DCC: variants seen among roughly 807,000 people sequenced by gnomAD.
The protein encoded by DCC is DCC netrin 1 receptor.
DCC carries 58 observed loss-of-function variants against 172.5 expected under a neutral mutation model. That is an observed-to-expected ratio of 0.34 (90% CI 0.27 to 0.42). The LOEUF (loss-of-function observed/expected upper bound fraction) is 0.42. Ranked by LOEUF, DCC falls within the 10% of genes least tolerant of loss-of-function variation. The probability of loss-of-function intolerance (pLI) is 1.00; values close to 1 mark genes in which losing one functional copy is unlikely to be tolerated. For missense variants in DCC, 1,740 were observed against 1,791.0 expected, an observed-to-expected ratio of 0.97 and a Z score of 0.51; for synonymous variants, 709 against 644.5, an observed-to-expected ratio of 1.10 and a Z score of -1.52.
chr18:52,341,542 C>T (rs1392183888), intron 1 of DCC, among the ~76,000 whole-genome samples: 1 of 152,106 alleles, frequency 6.6e-6, no homozygotes, highest in Non-Finnish European at 1.5e-5. Context: ...CATATAGCTC[C>T]AGGACACCTC....
At chr18:52,445,912 TTTTGTTTG>T (rs1008866663) in intron 1 of DCC, among the ~76,000 whole-genome samples, 16 of 152,212 alleles carry the variant, frequency 1.1e-4, no homozygotes, top group Non-Finnish European at 1.8e-4. Context: ...CTTACCAGTT[TTTTGTTTG>T]TTTGTTTGTT....
chr18:53,184,688 G>T (rs189378712), intron 9 of DCC, among the ~76,000 whole-genome samples: 41 of 152,212 alleles, frequency 2.7e-4, no homozygotes, highest in African/African-American at 9.1e-4. Context: ...GTCACTAGGC[G>T]ATAGAAATTT....
At chr18:53,527,411 A>AT (rs945848313) in intron 28 of DCC, among the ~76,000 whole-genome samples, 76 of 152,094 alleles carry the variant, frequency 5.0e-4, no homozygotes, top group African/African-American at 1.8e-3. Context: ...AATTAAAAAA[A>AT]TATAGTGACA....
At chr18:53,274,674 C>G (rs2056786420) in intron 12 of DCC, among the ~76,000 whole-genome samples, 1 of 152,050 alleles carries the variant, frequency 6.6e-6, no homozygotes, top group African/African-American at 2.4e-5. Flanking sequence ...CAGTTGAACA[C>G]CTATTCGTAT....
In DCC at chr18:53,096,751, G is replaced by A. The variant is rs181174951; in HGVS notation, c.1261+30585G>A. On this transcript the variant is annotated intron_variant, in intron 7 of 28. Transcript: ENST00000442544. ...ATAGAAGGAAAAGAAGCATTAAGCA[G>A]AGAGTCTAAGCAATTGTTTAAAAAT... 2.0e-5 allele frequency among the ~76,000 whole-genome samples: 3 copies of A among 152,188 alleles called. No individual in the cohort carries two copies. The East Asian group carries it at 5.8e-4, about 29-fold the overall frequency.
intron 21 of DCC, among the ~76,000 whole-genome samples, chr18:53,429,399 G>T: frequency 8.3e-6 from 1 of 120,102 alleles, no homozygotes; most frequent in Non-Finnish European, 2.0e-5. Context: ...TTTCTATTTT[G>T]TATCCTGGTA....
intron 7 of DCC, among the ~76,000 whole-genome samples, chr18:53,150,052 A>G (rs1224191322): frequency 6.6e-6 from 1 of 152,198 alleles, no homozygotes; most frequent in African/African-American, 2.4e-5. Flanking sequence ...TTTGTTTGGC[A>G]CAATGTAGAA....
At chr18:52,906,573 C>T (rs1488950520) in intron 3 of DCC, among the ~76,000 whole-genome samples, 2 of 149,040 alleles carry the variant, frequency 1.3e-5, no homozygotes, top group Non-Finnish European at 1.5e-5. Context: ...TATTCATTCA[C>T]TTGTTCTATT....
chr18:53,302,856 C>CT (rs900273410), intron 12 of DCC, among the ~76,000 whole-genome samples: 1 of 152,252 alleles, frequency 6.6e-6, no homozygotes, highest in African/African-American at 2.4e-5. Context: ...ATGTGACCTG[C>CT]TTTTTTCCCC....
intron 1 of DCC, among the ~76,000 whole-genome samples, chr18:52,463,131 T>TTA (rs1474845759): frequency 6.6e-6 from 1 of 152,168 alleles, no homozygotes; most frequent in Non-Finnish European, 1.5e-5. Context: ...GCATTAGGCT[T>TTA]TATATATATT....
At chr18:53,293,793 C>T (rs971549536) in intron 12 of DCC, among the ~76,000 whole-genome samples, 2 of 152,134 alleles carry the variant, frequency 1.3e-5, no homozygotes, top group Non-Finnish European at 2.9e-5. Flanking sequence ...CACTTTTCTC[C>T]TGATAGAGCT....
intron 1 of DCC, among the ~76,000 whole-genome samples, chr18:52,387,588 T>TTCCC (rs1012183286): frequency 7.9e-6 from 1 of 126,570 alleles, no homozygotes; most frequent in Non-Finnish European, 1.8e-5. Context: ...CCTTCCTTCC[T>TTCCC]TCCTTCCTTC....
intron 15 of DCC, among the ~76,000 whole-genome samples, chr18:53,356,051 T>G (rs2057874447): frequency 6.6e-6 from 1 of 152,194 alleles, no homozygotes. Flanking sequence ...TTATTTTATT[T>G]TATTCACTTA....
chr18:53,403,625 G>A (rs569606049), intron 19 of DCC, among the ~76,000 whole-genome samples: 18 of 152,204 alleles, frequency 1.2e-4, no homozygotes, highest in African/African-American at 4.3e-4. Flanking sequence ...GAAAAATATT[G>A]TATAACTCAA....
intron 7 of DCC, among the ~76,000 whole-genome samples, chr18:53,117,775 A>G (rs1440401857): frequency 6.6e-6 from 1 of 151,740 alleles, no homozygotes; most frequent in Non-Finnish European, 1.5e-5. Context: ...TTTTCAGGCA[A>G]ATGCAGCCAC....
intron 2 of DCC, among the ~76,000 whole-genome samples, chr18:52,764,776 C>G (rs2037217296): frequency 6.6e-6 from 1 of 152,154 alleles, no homozygotes; most frequent in Admixed American, 6.5e-5. Flanking sequence ...TAGTCTAAGA[C>G]AATTTTCCAT....
intron 15 of DCC, among the ~76,000 whole-genome samples, chr18:53,358,142 TC>T (rs1334555334): frequency 1.3e-5 from 2 of 152,106 alleles, no homozygotes; most frequent in Non-Finnish European, 2.9e-5. Context: ...ATCTAATGAA[TC>T]CAAAGAAAAA....
chr18:53,011,591 T>G (rs1347160526), intron 5 of DCC, among the ~76,000 whole-genome samples: 3 of 151,794 alleles, frequency 2.0e-5, no homozygotes, highest in Non-Finnish European at 1.5e-5. Context: ...CTTACAACAT[T>G]GAGATAAAAT....
Position 52,761,825 on chromosome 18 carries a change from C to T in DCC, c.412+9451C>T, listed in dbSNP as rs574091117. On this transcript the variant is annotated intron_variant, in intron 2 of 28. Transcript: ENST00000442544. ...TCGAGAGGCTGAGGTAGGAGAATGT[C>T]GTGCACCCAGGAGGCAGAGCTTGCA... Among the ~76,000 whole-genome samples the T allele has an allele frequency of 4.1e-5, 6 of 147,374 alleles. No homozygotes were observed. The East Asian group carries it at 6.2e-4, about 15-fold the overall frequency.
Sources: gnomAD v4.1 joint callset for allele counts (sites outside exome capture counted in the v4.1 genomes callset) on GRCh38, gnomAD v4.1.1 for gene constraint, MANE v1.5 for transcripts, NCBI Gene and HGNC (gene_info 2026-07-23, HGNC 2026-07-21) for gene names.